Variants in MICOS10 observed in about 807,000 individuals in gnomAD.
MICOS10 encodes mitochondrial contact site and cristae organizing system subunit 10, also known as MICOS complex subunit MIC10.
Under a neutral mutation model 13.4 loss-of-function variants are expected in MICOS10, and 5 were observed. That is an observed-to-expected ratio of 0.37 (90% CI 0.20 to 0.78). The LOEUF (loss-of-function observed/expected upper bound fraction) is 0.78. Among genes scored for constraint, MICOS10 ranks in the 30% least tolerant of loss-of-function variants. The pLI is 0.47. For missense variants in MICOS10, 101 were observed against 94.6 expected, an observed-to-expected ratio of 1.07 and a Z score of -0.28; for synonymous variants, 35 against 33.6, an observed-to-expected ratio of 1.04 and a Z score of -0.15.
chr1:19,606,161 G>A (rs978366939), intron 1 of MICOS10, among the ~76,000 whole-genome samples: 4 of 152,196 alleles, frequency 2.6e-5, no homozygotes, highest in Non-Finnish European at 4.4e-5. Flanking sequence ...GAGTGGAAAA[G>A]AGAGATATAA....
chr1:19,611,708 A>T (rs960146290), intron 1 of MICOS10, among the ~76,000 whole-genome samples: 1 of 151,936 alleles, frequency 6.6e-6, no homozygotes, highest in Non-Finnish European at 1.5e-5. Context: ...GCGATGGCTC[A>T]CACCTATAAT....
rs987165368 is a variant in MICOS10, at chr1:19,626,673, A to G, written c.*272A>G. 9.1e-6 allele frequency: 4 copies of G among 438,690 alleles called. No individual in the cohort carries two copies. The highest frequency in any genetic ancestry group is 2.0e-5 in the African/African-American group (1 of 50,130). 27.2% of individuals were successfully genotyped at this position (438,690 alleles called of 1,614,324 possible). ...GTTTCTTCACCTTTGGTCTCTGAGC[A>G]TGAGGAGGACTGTGTGTGAACTGCC... On this transcript the variant is annotated 3_prime_UTR_variant, in exon 4 of 4. Transcript: ENST00000322753.
At chr1:19,621,936 G>A (rs899029718) in intron 1 of MICOS10, among the ~76,000 whole-genome samples, 164 bp from the exon 2 acceptor site, 4 of 152,092 alleles carry the variant, frequency 2.6e-5, no homozygotes, top group Admixed American at 2.0e-4. Flanking sequence ...AAAGGCATCT[G>A]TAAAACCTCT....
At chr1:19,612,416 T>C (rs2094867021) in intron 1 of MICOS10, among the ~76,000 whole-genome samples, 1 of 151,050 alleles carries the variant, frequency 6.6e-6, no homozygotes. Flanking sequence ...CTTGGTAGAG[T>C]AGTGCAGCCT....
In MICOS10 at chr1:19,627,445, C is replaced by T. The variant is rs570050698; in HGVS notation, c.*1044C>T. 1 of 152,312 alleles carries T rather than the reference C, an allele frequency of 6.6e-6. No individual in the cohort carries two copies. The highest frequency in any genetic ancestry group is 1.5e-5 in the Non-Finnish European group (1 of 68,042). The allele number at this position is 152,312 out of a possible 1,614,324, so 9.4% of individuals were successfully genotyped here. On this transcript the variant is annotated 3_prime_UTR_variant, in exon 4 of 4. Transcript: ENST00000322753. The stretch of plus-strand genomic sequence containing the variant: ...ATAAATAGACACAGGCTTCTGCCTT[C>T]AAGGAGCTTAGAGTCTGATGGAAAG...
chr1:19,608,513 C>T (rs776553347), intron 1 of MICOS10: 2 of 1,093,734 alleles, frequency 1.8e-6, no homozygotes, highest in South Asian at 2.5e-5. Flanking sequence ...GGACGTCACC[C>T]CCATCCCCTC....
At chr1:19,599,703 T>C (rs2094806492) in intron 1 of MICOS10, among the ~76,000 whole-genome samples, 1 of 151,788 alleles carries the variant, frequency 6.6e-6, no homozygotes, top group African/African-American at 2.4e-5. Context: ...TTATGAGGAG[T>C]AAATCGAAGC....
intron 1 of MICOS10, among the ~76,000 whole-genome samples, chr1:19,610,367 C>CTTTT (rs773668659): frequency 0.024 from 283 of 11,916 alleles, 15 homozygotes; most frequent in Middle Eastern, 0.1. Context: ...CACCCCCCGG[C>CTTTT]TTTTTTTTTT....
At chr1:19,625,284 A>G (rs1300938035) in intron 3 of MICOS10, 2 of 1,137,476 alleles carry the variant, frequency 1.8e-6, no homozygotes, top group Non-Finnish European at 2.3e-6. Context: ...GTAGAGTGGA[A>G]AATGTGGTAC....
At chr1:19,600,265 C>T (rs1267507208) in intron 1 of MICOS10, among the ~76,000 whole-genome samples, 1 of 152,056 alleles carries the variant, frequency 6.6e-6, no homozygotes, top group Non-Finnish European at 1.5e-5. Flanking sequence ...CAAACTTTTT[C>T]CCATCTGTGA....
chr1:19,622,438 C>T (rs1378861365), intron 2 of MICOS10, among the ~76,000 whole-genome samples: 2 of 151,834 alleles, frequency 1.3e-5, no homozygotes, highest in Admixed American at 6.6e-5. Context: ...GTCATTTGGC[C>T]AAGTCTACAC....
intron 1 of MICOS10, among the ~76,000 whole-genome samples, chr1:19,606,646 T>C (rs2094835807): frequency 1.3e-5 from 2 of 151,906 alleles, no homozygotes; most frequent in Admixed American, 6.6e-5. Flanking sequence ...CTCAGGAGGC[T>C]GAGGCAGGAG....
At chr1:19,604,613 G>T (rs977651695) in intron 1 of MICOS10, among the ~76,000 whole-genome samples, 3 of 152,054 alleles carry the variant, frequency 2.0e-5, no homozygotes, top group Non-Finnish European at 4.4e-5. Context: ...GTCGTAGGTG[G>T]GTCTTATTGT....
chr1:19,608,721 T>C, intron 1 of MICOS10: 1 of 555,278 alleles, frequency 1.8e-6, no homozygotes. Flanking sequence ...AAAACTGATA[T>C]ACTGGATTTG....
chr1:19,623,660 G>A, intron 3 of MICOS10, 77 bp downstream of exon 3: 1 of 1,010,348 alleles, frequency 9.9e-7, no homozygotes, highest in South Asian at 1.4e-5. Context: ...TCTTTAGACT[G>A]TTTGTAATGA....
At chr1:19,601,150 T>A in intron 1 of MICOS10, 1 of 451,136 alleles carries the variant, frequency 2.2e-6, no homozygotes, top group Non-Finnish European at 3.9e-6. Context: ...CAGTGGTCCT[T>A]TAAAAAAGTA....
At chr1:19,622,619 G>A (rs539240897) in intron 2 of MICOS10, among the ~76,000 whole-genome samples, 1 of 152,158 alleles carries the variant, frequency 6.6e-6, no homozygotes, top group African/African-American at 2.4e-5. Flanking sequence ...TCTGAAGTTT[G>A]GATACCGAAT....
At chr1:19,611,469 A>ATTTTTTTTTTTTTTTTTTTTTTTTTT (rs768118529) in intron 1 of MICOS10, among the ~76,000 whole-genome samples, 1 of 90,372 alleles carries the variant, frequency 1.1e-5, no homozygotes. Flanking sequence ...TTGCAACTTG[A>ATTTTTTTTTTTTTTTTTTTTTTTTTT]TTTTTTTTTT....
chr1:19,604,086 A>G (rs2094825957), intron 1 of MICOS10, among the ~76,000 whole-genome samples: 1 of 152,236 alleles, frequency 6.6e-6, no homozygotes, highest in South Asian at 2.1e-4. Context: ...ATGTACCAGT[A>G]AATACCTCCC....
Sources: gnomAD v4.1 joint callset for allele counts (sites outside exome capture counted in the v4.1 genomes callset) on GRCh38, gnomAD v4.1.1 for gene constraint, MANE v1.5 for transcripts, NCBI Gene and HGNC (gene_info 2026-07-23, HGNC 2026-07-21) for gene names.